PIK3R4: variants seen among roughly 807,000 people sequenced by gnomAD.
PIK3R4 encodes phosphoinositide-3-kinase regulatory subunit 4, also known as phosphoinositide 3-kinase regulatory subunit 4.
A neutral mutation model predicts 136.5 loss-of-function variants in PIK3R4; 46 were observed. The observed-to-expected ratio is 0.34, with a 90% confidence interval of 0.27 to 0.43. PIK3R4 has a LOEUF of 0.43. Ranked by LOEUF, PIK3R4 falls within the 20% of genes least tolerant of loss-of-function variation. PIK3R4 has a pLI of 1.00. For missense variants in PIK3R4, 1,331 were observed against 1,649.5 expected (o/e 0.81, Z 3.35); for synonymous variants, 557 against 566.7 (o/e 0.98, Z 0.24).
chr3:130,682,379 G>T (rs1213427621), intron 16 of PIK3R4, among the ~76,000 whole-genome samples: 9 of 152,162 alleles, frequency 5.9e-5, no homozygotes, highest in Non-Finnish European at 1.0e-4. Context: ...GGAAATAGAT[G>T]TTCCCCTAGT....
intron 14 of PIK3R4, among the ~76,000 whole-genome samples, chr3:130,689,318 G>A (rs1335827949): frequency 6.6e-6 from 1 of 151,728 alleles, no homozygotes. Context: ...TAGGGCCTGT[G>A]GGCTCAGTCA....
chr3:130,682,856 G>T (rs1433329530), intron 16 of PIK3R4, among the ~76,000 whole-genome samples: 1 of 152,156 alleles, frequency 6.6e-6, no homozygotes, highest in Non-Finnish European at 1.5e-5. Flanking sequence ...TGGCAAGAAG[G>T]CCGGTCCCAT....
chr3:130,690,641 A>T lies in PIK3R4; in HGVS notation c.3112T>A (p.Tyr1038Asn). 6.2e-7 allele frequency: 1 copy of T among 1,602,868 alleles called. No individual in the cohort carries two copies. The change falls in exon 14 of 20, where the codon TAC becomes AAC. Residue 1038 changes from tyrosine (Y) to asparagine (N), a missense_variant. Physicochemically the swap from Tyr to Asn is moderately radical, Grantham distance 143. Around this residue, in one of 2 missense-constraint regions of PIK3R4, gnomAD observed 1,180 missense variants for 1,407.0 expected, o/e 0.84. Coordinates refer to ENST00000356763, the MANE Select transcript of PIK3R4 (RefSeq NM_014602.3). The part of the protein sequence containing the change: ...KTTTTRSILT[Y>N]SRIGGRVKTL... ...TTGACTCGTCCTCCAATTCGGCTGTATGTAAGAATAGATCTGAATGAAAGA... is the reference window on the plus strand; with the variant it reads ...TTGACTCGTCCTCCAATTCGGCTGTTTGTAAGAATAGATCTGAATGAAAGA...
chr3:130,723,091 A>AAAAAAAT (rs2066711843), intron 7 of PIK3R4, among the ~76,000 whole-genome samples: 1 of 135,982 alleles, frequency 7.4e-6, no homozygotes, highest in African/African-American at 2.7e-5. Context: ...AAAAAAAAAA[A>AAAAAAAT]AAAAAATTAA....
chr3:130,699,067 A>G (rs1479510091), intron 13 of PIK3R4, among the ~76,000 whole-genome samples: 12 of 152,102 alleles, frequency 7.9e-5, no homozygotes, highest in African/African-American at 2.9e-4. Flanking sequence ...TGGTCTTTTC[A>G]GTTTCTTCCT....
intron 13 of PIK3R4, among the ~76,000 whole-genome samples, chr3:130,695,404 A>G (rs1195264487): frequency 2.0e-5 from 3 of 152,174 alleles, no homozygotes; most frequent in Admixed American, 6.5e-5. Context: ...GGTCAACCGC[A>G]GTCAGAAAAT....
At chr3:130,740,995 C>A (rs2066820380) in intron 2 of PIK3R4, among the ~76,000 whole-genome samples, 1 of 152,096 alleles carries the variant, frequency 6.6e-6, no homozygotes, top group Admixed American at 6.5e-5. Flanking sequence ...TTTGAAATTA[C>A]AGTATTTCCA....
intron 6 of PIK3R4, among the ~76,000 whole-genome samples, chr3:130,724,847 T>G (rs1164791935): frequency 2.0e-5 from 3 of 151,968 alleles, no homozygotes; most frequent in African/African-American, 7.2e-5. Flanking sequence ...AGAGATAAAG[T>G]CCAAAGTTGG....
In PIK3R4 at chr3:130,720,510, A is replaced by G. The variant is rs142698297; in HGVS notation, c.1982-1976T>C. Among the ~76,000 whole-genome samples the G allele has an allele frequency of 1.3e-3, 197 of 152,332 alleles. 2 individuals are homozygous for G. Among genetic ancestry groups the G allele is most frequent in the African/African-American group, 4.2e-3 (174 of 41,572 alleles). On this transcript the variant is annotated intron_variant, in intron 7 of 19. Coordinates refer to ENST00000356763, the MANE Select transcript of PIK3R4 (RefSeq NM_014602.3). ...ACTTATCAGAAGACAAATGTGGGGGAAAATATTAATAATAGCTAAGTGGGA... is the reference window on the plus strand; with the variant it reads ...ACTTATCAGAAGACAAATGTGGGGGGAAATATTAATAATAGCTAAGTGGGA...
intron 3 of PIK3R4, 49 bp from the exon 4 acceptor site, chr3:130,734,179 G>A: frequency 6.9e-7 from 1 of 1,458,582 alleles, no homozygotes; most frequent in Non-Finnish European, 9.3e-7. Flanking sequence ...GAATAGAAAA[G>A]TAAACCAGAT....
chr3:130,723,287 A>G, intron 7 of PIK3R4, 127 bp downstream of exon 7: 1 of 771,968 alleles, frequency 1.3e-6, no homozygotes, highest in Non-Finnish European at 2.1e-6. Flanking sequence ...ATGCACACCC[A>G]CACAATCAAT....
chr3:130,742,003 T>G (rs1012952622), intron 2 of PIK3R4, among the ~76,000 whole-genome samples: 1 of 152,230 alleles, frequency 6.6e-6, no homozygotes, highest in African/African-American at 2.4e-5. Context: ...TTCATTATAA[T>G]GAAAACGACA....
At chr3:130,682,210 G>A (rs1453207788) in intron 16 of PIK3R4, among the ~76,000 whole-genome samples, 1 of 152,174 alleles carries the variant, frequency 6.6e-6, no homozygotes, top group African/African-American at 2.4e-5. Flanking sequence ...GGATTACTCA[G>A]GGGGCCCTAC....
In PIK3R4 at chr3:130,744,492, A is replaced by G. The variant is rs769889147; in HGVS notation, c.727T>C (p.Ser243Pro). The change falls in exon 2 of 20, where the codon TCA becomes CCA. Residue 243 changes from serine to proline, a missense_variant. Ser to Pro is a moderately conservative substitution (Grantham distance 74). Coordinates refer to ENST00000356763, the MANE Select transcript of PIK3R4 (RefSeq NM_014602.3). Reference sequence around the variant, plus strand: ...ATGTGACCCACTCAAATACCTGCTGAAAAGATGTCCATTGCTCTCTTCAAC... The same window carrying G: ...ATGTGACCCACTCAAATACCTGCTGGAAAGATGTCCATTGCTCTCTTCAAC... ...GELKRAMDIF[S>P]AGCVIAELFT... 1.2e-6 allele frequency: 2 copies of G among 1,607,288 alleles called. No individual in the cohort carries two copies. The highest frequency in any genetic ancestry group is 1.7e-6 in the Non-Finnish European group (2 of 1,175,940).
intron 9 of PIK3R4, among the ~76,000 whole-genome samples, chr3:130,711,574 A>G (rs973412906): frequency 5.3e-5 from 8 of 152,256 alleles, no homozygotes; most frequent in African/African-American, 1.9e-4. Flanking sequence ...AGAAAGAACA[A>G]CACAAGGTTG....
chr3:130,680,470 A>T (rs989302043), intron 19 of PIK3R4, 143 bp downstream of exon 19: 2 of 500,886 alleles, frequency 4.0e-6, no homozygotes, highest in Non-Finnish European at 7.1e-6. Flanking sequence ...TAATTTTTTT[A>T]AATACAGAAA....
intron 12 of PIK3R4, among the ~76,000 whole-genome samples, chr3:130,704,976 G>A (rs372831147): frequency 3.3e-5 from 5 of 151,820 alleles, no homozygotes; most frequent in South Asian, 2.1e-4. Flanking sequence ...GATCACAGGC[G>A]TGTGCCACCA....
chr3:130,716,700 C>A, intron 8 of PIK3R4, 101 bp from the exon 9 acceptor site: 1 of 722,234 alleles, frequency 1.4e-6, no homozygotes, highest in Non-Finnish European at 2.2e-6. Flanking sequence ...TATTCATTTT[C>A]TAAGAAAATA....
At chr3:130,704,679 A>C (rs2066596772) in intron 12 of PIK3R4, among the ~76,000 whole-genome samples, 1 of 152,202 alleles carries the variant, frequency 6.6e-6, no homozygotes, top group African/African-American at 2.4e-5. Context: ...AAGTCTGTTA[A>C]GATAGTTGAG....
Sources: allele counts gnomAD v4.1 joint callset (sites outside exome capture counted in the v4.1 genomes callset), GRCh38; gene constraint gnomAD v4.1.1; regional missense constraint gnomAD v4.1.1; transcripts MANE v1.5; gene names NCBI Gene and HGNC (gene_info 2026-07-23, HGNC 2026-07-21).